The following DMD variants were observed in gnomAD, a reference collection of about 807,000 sequenced individuals.
The protein encoded by DMD is mutant dystrophin.
DMD carries 63 observed loss-of-function variants against 330.1 expected under a neutral mutation model. The ratio of observed to expected loss-of-function variants is 0.19; its 90% CI spans 0.16 to 0.24. The LOEUF (loss-of-function observed/expected upper bound fraction) is 0.24. Among genes scored for constraint, DMD ranks in the 10% least tolerant of loss-of-function variants. The pLI, the probability that DMD is intolerant of heterozygous loss-of-function variation, is 1.00. For missense variants in DMD, 3,344 were observed against 2,684.1 expected (o/e 1.25, Z -5.43); for synonymous variants, 1,223 against 959.8 (o/e 1.27, Z -5.07).
chrX:31,479,251 T>G (rs1358521245), intron 57 of DMD, 148 bp from the exon 58 acceptor site: 3 of 664,933 alleles, frequency 4.5e-6, no homozygotes, highest in Non-Finnish European at 6.8e-6. Context: ...ATGATTTTTT[T>G]TAAAGGCTAT....
chrX:32,493,300 T>G (rs936260586), intron 19 of DMD, among the ~76,000 whole-genome samples: 5 of 112,156 alleles, frequency 4.5e-5, no homozygotes, highest in African/African-American at 6.5e-5. Context: ...CAAAGCATAA[T>G]GCTACTCAGG....
chrX:32,975,490 T>G (rs1422360865), intron 2 of DMD, among the ~76,000 whole-genome samples: 2 of 108,334 alleles, frequency 1.8e-5, no homozygotes, highest in African/African-American at 6.7e-5. Context: ...GAGGAGTCCT[T>G]TTTCTCTCAA....
rs760013588 is a variant in DMD at position 32,979,860 on chromosome X, T to C, written c.93+40279A>G. On this transcript the variant is annotated intron_variant, in intron 2 of 78. Transcript: ENST00000357033. Reference sequence around the variant, plus strand: ...CCTAAAAGATGAAAAAGGAGGCTGATAGTAGTCCTGTATTTTAAAAGAAAA... The same window carrying C: ...CCTAAAAGATGAAAAAGGAGGCTGACAGTAGTCCTGTATTTTAAAAGAAAA... 1.2e-3 allele frequency among the ~76,000 whole-genome samples: 137 copies of C among 111,347 alleles called. 1 individual carries two copies. The highest frequency in any genetic ancestry group is 4.7e-3 in the Middle Eastern group (1 of 212).
intron 1 of DMD, among the ~76,000 whole-genome samples, chrX:33,050,538 G>A (rs2094444780): frequency 9.0e-6 from 1 of 111,608 alleles, no homozygotes; most frequent in South Asian, 3.8e-4. Context: ...GAGACGTCCA[G>A]GTCAACCACT....
In DMD at chrX:31,354,711, A is replaced by G. The variant is rs1024387672; in HGVS notation, c.9085-6077T>C. ...TTCAGTAAGAAATATCACTACATTC[A>G]TTCAAAAGATATTGACTAGAATGTA... On this transcript the variant is annotated intron_variant, in intron 60 of 78. Transcript: ENST00000357033. Among the ~76,000 whole-genome samples the G allele has an allele frequency of 9.8e-5, 11 of 112,077 alleles. 1 individual carries two copies. The Admixed American group carries it at 1.0e-3, about 11-fold the overall frequency.
chrX:31,988,802 T>G (rs1396067642), intron 44 of DMD, among the ~76,000 whole-genome samples: 7 of 110,706 alleles, frequency 6.3e-5, no homozygotes, highest in Non-Finnish European at 1.3e-4. Context: ...TCTCTCTCTC[T>G]CTCTCGAAAC....
chrX:32,456,633 T>TGC (rs1387600992), intron 25 of DMD, among the ~76,000 whole-genome samples: 3 of 102,690 alleles, frequency 2.9e-5, no homozygotes, highest in Non-Finnish European at 4.0e-5. Context: ...TGTGTGTGTG[T>TGC]GCACGTGCTC....
intron 1 of DMD, among the ~76,000 whole-genome samples, chrX:33,309,436 C>T (rs771990560): frequency 9.1e-6 from 1 of 110,423 alleles, no homozygotes; most frequent in East Asian, 2.9e-4. Context: ...AGAAGAAATG[C>T]ATTTTAAAAT....
At chrX:32,734,157 A>C (rs1044941687) in intron 7 of DMD, among the ~76,000 whole-genome samples, 6 of 109,239 alleles carry the variant, frequency 5.5e-5, no homozygotes, top group Admixed American at 2.0e-4. Flanking sequence ...TAAACTAGAA[A>C]ATCTAGAAGA....
intron 29 of DMD, among the ~76,000 whole-genome samples, chrX:32,425,868 C>T (rs1478625110): frequency 1.8e-5 from 2 of 111,320 alleles, no homozygotes; most frequent in Non-Finnish European, 3.8e-5. Context: ...TCGACAAAGC[C>T]GACAAAAGCA....
intron 50 of DMD, among the ~76,000 whole-genome samples, chrX:31,815,231 C>A (rs914653926): frequency 8.9e-6 from 1 of 112,029 alleles, no homozygotes; most frequent in Non-Finnish European, 1.9e-5. Context: ...AGGTGGATCA[C>A]CTGAGGTCAG....
At chrX:32,103,663 A>G (rs753062893) in intron 44 of DMD, among the ~76,000 whole-genome samples, 58 of 112,311 alleles carry the variant, frequency 5.2e-4, no homozygotes, top group Non-Finnish European at 8.3e-4. Flanking sequence ...AGTTTTCAAA[A>G]TATTTATCAG....
At chrX:31,781,796 C>CAG (rs1029626658) in intron 50 of DMD, among the ~76,000 whole-genome samples, 36 of 111,285 alleles carry the variant, frequency 3.2e-4, no homozygotes, top group African/African-American at 1.2e-3. Context: ...TATCTCTGGC[C>CAG]AGAGCTCCCT....
intron 1 of DMD, among the ~76,000 whole-genome samples, chrX:33,228,553 A>G (rs16990957): frequency 0.11 from 11,635 of 109,690 alleles, 787 homozygotes; most frequent in African/African-American, 0.24. Flanking sequence ...TGAGAGTACA[A>G]TTGGCTCCTA....
chrX:33,164,901 A>ATTTGC (rs1184853037), intron 1 of DMD, among the ~76,000 whole-genome samples: 8 of 94,557 alleles, frequency 8.5e-5, no homozygotes, highest in Non-Finnish European at 2.1e-5. Context: ...TGAGGTTATT[A>ATTTGC]TTTGCTTTGC....
At chrX:32,758,732 GCA>G (rs1271247209) in intron 7 of DMD, among the ~76,000 whole-genome samples, 3 of 110,706 alleles carry the variant, frequency 2.7e-5, no homozygotes, top group Non-Finnish European at 3.8e-5. Context: ...TAAGAGCTTA[GCA>G]CAGTGCCTGA....
At chrX:32,604,307 T>TG (rs2056488385) in intron 12 of DMD, among the ~76,000 whole-genome samples, 1 of 110,457 alleles carries the variant, frequency 9.1e-6, no homozygotes, top group Non-Finnish European at 1.9e-5. Flanking sequence ...AAACATATGA[T>TG]CATCTCAATA....
chrX:32,641,407 C>CATACATACAT (rs1569366795), intron 11 of DMD: 1 of 63,205 alleles, frequency 1.6e-5, no homozygotes. Context: ...GTATTTTATA[C>CATACATACAT]GTATATATAT....
At chrX:32,272,437 T>G (rs2097368609) in intron 43 of DMD, among the ~76,000 whole-genome samples, 2 of 112,403 alleles carry the variant, frequency 1.8e-5, no homozygotes, top group Admixed American at 1.9e-4. Flanking sequence ...AACATCTTTT[T>G]AAAGTACTTT....
Sources: gnomAD v4.1 joint callset for allele counts (sites outside exome capture counted in the v4.1 genomes callset) on GRCh38, gnomAD v4.1.1 for gene constraint, MANE v1.5 for transcripts, NCBI Gene and HGNC (gene_info 2026-07-23, HGNC 2026-07-21) for gene names.